Variants in SLC1A2 observed in about 807,000 individuals in gnomAD.
SLC1A2 encodes the protein solute carrier family 1 member 2, also known as excitatory amino acid transporter 2.
Under a neutral mutation model 48.8 loss-of-function variants are expected in SLC1A2, and 15 were observed. That is an observed-to-expected ratio of 0.31 (90% CI 0.21 to 0.47). The LOEUF is 0.47. Among genes scored for constraint, SLC1A2 ranks in the 20% least tolerant of loss-of-function variants. The pLI is 0.99. For synonymous variants in SLC1A2, 279 were observed against 272.6 expected (o/e 1.02, Z -0.23); for missense variants, 502 against 730.5 (o/e 0.69, Z 3.61).
At chr11:35,416,364 T>TG (rs1337042939) in intron 1 of SLC1A2, among the ~76,000 whole-genome samples, 5 of 152,252 alleles carry the variant, frequency 3.3e-5, no homozygotes, top group African/African-American at 9.6e-5. Flanking sequence ...TCTGAAAAGA[T>TG]GGTATTCCCT....
chr11:35,264,913 G>A (rs1336201678), intron 10 of SLC1A2: 2 of 152,028 alleles, frequency 1.3e-5, no homozygotes, highest in African/African-American at 4.8e-5. Context: ...TTTAATTTGA[G>A]GAATAAAATA....
At chr11:35,391,729 C>CA (rs983557908) in intron 1 of SLC1A2, 69 of 152,326 alleles carry the variant, frequency 4.5e-4, no homozygotes, top group African/African-American at 1.5e-3. Flanking sequence ...GCCATGCAAA[C>CA]AAATACCGCT....
At chr11:35,349,740 C>T (rs565337198) in intron 1 of SLC1A2, among the ~76,000 whole-genome samples, 3 of 152,262 alleles carry the variant, frequency 2.0e-5, no homozygotes, top group African/African-American at 7.2e-5. Flanking sequence ...TCTTAGATTC[C>T]CAGTATGTCT....
intron 1 of SLC1A2, among the ~76,000 whole-genome samples, chr11:35,381,499 C>A (rs1428310069): frequency 6.6e-6 from 1 of 152,128 alleles, no homozygotes; most frequent in Non-Finnish European, 1.5e-5. Flanking sequence ...CCTGCTGAAT[C>A]CCTAGACATC....
At position 35,313,648 on chromosome 11, in the gene SLC1A2, G is replaced by A. The variant is rs574718969; in HGVS notation, c.311-1200C>T. Among the ~76,000 whole-genome samples, 49 of 152,290 alleles carry A rather than the reference G, an allele frequency of 3.2e-4. No individual in the cohort carries two copies. The South Asian group carries it at 3.9e-3, about 12-fold the overall frequency. On this transcript the variant is annotated intron_variant, in intron 3 of 10. Coordinates refer to ENST00000278379, the MANE Select transcript of SLC1A2 (RefSeq NM_004171.4). The stretch of plus-strand genomic sequence containing the variant: ...TTTACAACCTAGTCTAATTCTAGCC[G>A]ACGGGAGCTAGGTTTCCCCACCAAG...
At chr11:35,352,243 C>T (rs1853286760) in intron 1 of SLC1A2, 1 of 152,192 alleles carries the variant, frequency 6.6e-6, no homozygotes, top group Non-Finnish European at 1.5e-5. Context: ...ACATACCATG[C>T]CCTGGTTATG....
At chr11:35,275,166 A>G (rs1358722697) in intron 9 of SLC1A2, among the ~76,000 whole-genome samples, 2 of 152,186 alleles carry the variant, frequency 1.3e-5, no homozygotes, top group African/African-American at 4.8e-5. Flanking sequence ...TGCTGTTGGG[A>G]GGAGCTTCAG....
At chr11:35,329,931 C>T (rs12574069) in intron 1 of SLC1A2, among the ~76,000 whole-genome samples, 31,859 of 152,124 alleles carry the variant, frequency 0.21, 3,647 homozygotes, top group Admixed American at 0.27. Flanking sequence ...TGACTTCCCA[C>T]AACACTCTCA....
chr11:35,377,850 T>A (rs1854294695), intron 1 of SLC1A2, among the ~76,000 whole-genome samples: 1 of 152,266 alleles, frequency 6.6e-6, no homozygotes, highest in Admixed American at 6.5e-5. Context: ...CATACTGACA[T>A]GTTCTAGCTT....
At chr11:35,268,538 A>C (rs1298902150) in intron 9 of SLC1A2, among the ~76,000 whole-genome samples, 1 of 151,886 alleles carries the variant, frequency 6.6e-6, no homozygotes, top group Non-Finnish European at 1.5e-5. Context: ...GGTGGTGTGC[A>C]CCTATAATCC....
chr11:35,338,630 TG>T lies in SLC1A2; in HGVS notation c.18-21115del, dbSNP rs1852721374. 2.6e-5 allele frequency among the ~76,000 whole-genome samples: 4 copies of T among 152,308 alleles called. No homozygotes were observed. The South Asian group carries it at 8.3e-4, about 32-fold the overall frequency. On this transcript the variant is annotated intron_variant, in intron 1 of 10. Transcript: ENST00000278379. ...GCCGGGAGCTTATAAGGGAATGACC[TG>T]CCTTTGTTTGAGGACAAGGAGATAT...
chr11:35,342,017 T>TAC (rs1565259991), intron 1 of SLC1A2, among the ~76,000 whole-genome samples: 1 of 152,222 alleles, frequency 6.6e-6, no homozygotes, highest in Non-Finnish European at 1.5e-5. Context: ...TATGCATGTG[T>TAC]ATATTTATAA....
chr11:35,311,893 G>GGGAGAGAGAGAGAGAGAGAGA (rs1851705716), intron 4 of SLC1A2, among the ~76,000 whole-genome samples: 1 of 69,242 alleles, frequency 1.4e-5, no homozygotes, highest in Non-Finnish European at 2.6e-5. Context: ...AGAGAGAGAG[G>GGGAGAGAGAGAGAGAGAGAGA]GAGGGAGAGA....
rs1303037956 is a variant in SLC1A2 at position 35,260,826 on chromosome 11, G to A, written c.*68C>T. 3 of 1,127,280 alleles carry A rather than the reference G, an allele frequency of 2.7e-6. No individual in the cohort carries two copies. The African/African-American group carries it at 4.6e-5, about 17-fold the overall frequency. The allele number at this position is 1,127,280 out of a possible 1,614,324, so 69.8% of individuals were successfully genotyped here. A position where few individuals can be genotyped will look rare whatever the true frequency, so the allele number is the denominator to read the frequency against. On this transcript the variant is annotated 3_prime_UTR_variant, in exon 11 of 11. Transcript: ENST00000278379. ...TTTTTTTCCTTTTTAAAGAAAGCTTGTTTATATCATCAGTTACCATAGGAT... is the reference window on the plus strand; with the variant it reads ...TTTTTTTCCTTTTTAAAGAAAGCTTATTTATATCATCAGTTACCATAGGAT...
At chr11:35,298,291 T>A (rs147142269) in intron 6 of SLC1A2, 1 of 152,224 alleles carries the variant, frequency 6.6e-6, no homozygotes, top group Admixed American at 6.5e-5. Flanking sequence ...ACCGAAATAG[T>A]ACTGAGCATA....
chr11:35,304,646 CA>C (rs1565227758), intron 5 of SLC1A2, among the ~76,000 whole-genome samples: 1 of 151,962 alleles, frequency 6.6e-6, no homozygotes, highest in African/African-American at 2.4e-5. Flanking sequence ...CCAAGCCAAA[CA>C]AAAAAGATCT....
chr11:35,363,868 A>G (rs1352632958), intron 1 of SLC1A2, among the ~76,000 whole-genome samples: 2 of 152,178 alleles, frequency 1.3e-5, no homozygotes, highest in South Asian at 4.1e-4. Context: ...TCATTCAAGC[A>G]TCTACAAAGG....
rs1855710339 is a variant in SLC1A2 at position 35,419,293 on chromosome 11, A to G, written c.-327T>C. The stretch of plus-strand genomic sequence containing the variant: ...TGCGCCCAGGGCTGCAGGAGGGCGC[A>G]CGCCGGCGATGCGCCCCTGCAGCCG... On this transcript the variant is annotated 5_prime_UTR_variant, in exon 1 of 11. Transcript: ENST00000278379. The surrounding 1 kb of genome is among the most constrained non-coding windows in gnomAD (Gnocchi z 5.4). The G allele has an allele frequency of 3.4e-6, 1 of 290,464 alleles. No homozygotes were observed. Among genetic ancestry groups the G allele is most frequent in the East Asian group, 5.9e-5 (1 of 16,900 alleles). 18.0% of individuals were successfully genotyped at this position (290,464 alleles called of 1,614,324 possible). A position where few individuals can be genotyped will look rare whatever the true frequency, so the allele number is the denominator to read the frequency against.
intron 1 of SLC1A2, among the ~76,000 whole-genome samples, chr11:35,389,564 G>A (rs536548010): frequency 2.0e-5 from 3 of 151,954 alleles, no homozygotes; most frequent in African/African-American, 4.8e-5. Flanking sequence ...TCTGCCTCCC[G>A]GGTTCAAGCG....
Sources: allele counts gnomAD v4.1 joint callset (sites outside exome capture counted in the v4.1 genomes callset), GRCh38; gene constraint gnomAD v4.1.1; non-coding constraint Gnocchi (gnomAD v3.1); transcripts MANE v1.5; gene names NCBI Gene and HGNC (gene_info 2026-07-23, HGNC 2026-07-21).